Variants in TCF4 observed in about 807,000 individuals in gnomAD.
TCF4 encodes SL3-3 enhancer factor 2.
Under a neutral mutation model 82.1 loss-of-function variants are expected in TCF4, and 3 were observed. That is an observed-to-expected ratio of 0.04 (90% confidence interval 0.02 to 0.09). The LOEUF (loss-of-function observed/expected upper bound fraction) is 0.09. TCF4 is among the 10% of genes least tolerant of loss of function. The pLI is 1.00. For missense variants in TCF4, 518 were observed against 852.7 expected (o/e 0.61, Z 4.89); for synonymous variants, 276 against 309.6 (o/e 0.89, Z 1.14).
At chr18:55,402,054 C>T in intron 6 of TCF4, 1 of 985,508 alleles carries the variant, frequency 1.0e-6, no homozygotes, top group African/African-American at 1.7e-5. Flanking sequence ...TTTGCACTCA[C>T]ATTCCAAAGA....
At chr18:55,377,063 G>A (rs941093665) in intron 6 of TCF4, among the ~76,000 whole-genome samples, 1 of 152,144 alleles carries the variant, frequency 6.6e-6, no homozygotes, top group Non-Finnish European at 1.5e-5. Context: ...CAGAGCCATT[G>A]CCTACCTACC....
chr18:55,534,690 A>C lies in TCF4; in HGVS notation c.145+50590T>G, dbSNP rs76817055. Among the ~76,000 whole-genome samples, 251 of 152,324 alleles carry C rather than the reference A, an allele frequency of 1.6e-3. 3 individuals are homozygous for C. The highest frequency in any genetic ancestry group is 5.8e-3 in the African/African-American group (241 of 41,568). On this transcript the variant is annotated intron_variant, in intron 3 of 19. Transcript: ENST00000354452. Reference sequence around the variant, plus strand: ...CAGGACTCTTCTCAAGTGAAACTGAAAATTCAGCTTAAAAAAAACCCCTTT... The same window carrying C: ...CAGGACTCTTCTCAAGTGAAACTGACAATTCAGCTTAAAAAAAACCCCTTT...
intron 6 of TCF4, 77 bp downstream of exon 6, chr18:55,403,377 C>T (rs1441306096): frequency 2.0e-6 from 3 of 1,527,586 alleles, no homozygotes; most frequent in Admixed American, 1.7e-5. Context: ...GTTTAAAATG[C>T]ATCATCTAAT....
Position 55,557,297 on chromosome 18 carries a change from G to C in TCF4, c.145+27983C>G, listed in dbSNP as rs528573766. 1.6e-4 allele frequency among the ~76,000 whole-genome samples: 25 copies of C among 152,138 alleles called. 1 individual carries two copies. The South Asian group carries it at 4.4e-3, about 27-fold the overall frequency. On this transcript the variant is annotated intron_variant, in intron 3 of 19. Coordinates refer to ENST00000354452, the MANE Select transcript of TCF4 (RefSeq NM_001083962.2). ...CACAGACACACACACACAAAGTAGG[G>C]AGCAGTAGTGTACACCTGTAGTCTC...
chr18:55,520,450 T>C (rs1475557678), intron 3 of TCF4, among the ~76,000 whole-genome samples: 3 of 152,320 alleles, frequency 2.0e-5, no homozygotes, highest in East Asian at 3.9e-4. Flanking sequence ...TAGATGTCTA[T>C]ATGTATTTAT....
intron 2 of TCF4, among the ~76,000 whole-genome samples, chr18:55,619,392 T>C (rs1363681603): frequency 2.0e-5 from 3 of 152,212 alleles, no homozygotes; most frequent in African/African-American, 7.2e-5. Context: ...TGTCATTCTC[T>C]TATTCCTGAT....
chr18:55,358,834 C>T (rs2084290503), intron 6 of TCF4, among the ~76,000 whole-genome samples: 1 of 152,122 alleles, frequency 6.6e-6, no homozygotes, highest in Non-Finnish European at 1.5e-5. Context: ...ATCTGTCTAA[C>T]CTTGGTGGGC....
chr18:55,610,507 T>C (rs1175747044), intron 2 of TCF4, among the ~76,000 whole-genome samples: 5 of 152,182 alleles, frequency 3.3e-5, no homozygotes, highest in Admixed American at 1.3e-4. Context: ...GAGTGTTTCA[T>C]TGATGAGTGA....
At chr18:55,631,943 T>G (rs1186009508) in intron 1 of TCF4, among the ~76,000 whole-genome samples, 10 of 152,346 alleles carry the variant, frequency 6.6e-5, no homozygotes, top group Middle Eastern at 6.8e-3. Flanking sequence ...TTTAGTCCCT[T>G]AACCCTAGTG....
intron 8 of TCF4, among the ~76,000 whole-genome samples, chr18:55,345,997 T>C (rs2081096151): frequency 6.6e-6 from 1 of 152,148 alleles, no homozygotes; most frequent in Non-Finnish European, 1.5e-5. Context: ...CTCTTTTAAA[T>C]TGTTTGTGAT....
intron 6 of TCF4, among the ~76,000 whole-genome samples, chr18:55,367,332 A>T (rs2087472414): frequency 6.6e-6 from 1 of 152,220 alleles, no homozygotes; most frequent in East Asian, 1.9e-4. Context: ...AACACACACA[A>T]ACCTATCTGC....
In TCF4 at chr18:55,438,682, C is replaced by T. The variant is rs527843192; in HGVS notation, c.304+22337G>A. 7.2e-5 allele frequency among the ~76,000 whole-genome samples: 11 copies of T among 152,192 alleles called. No homozygotes were observed. The South Asian group carries it at 2.1e-3, about 29-fold the overall frequency. ...ATTAATTTTACCAGAAGACTTTTGG[C>T]CATGGGAACAAGGACTACAGGACAA... On this transcript the variant is annotated intron_variant, in intron 5 of 19. Coordinates refer to ENST00000354452, the MANE Select transcript of TCF4 (RefSeq NM_001083962.2).
intron 8 of TCF4, among the ~76,000 whole-genome samples, chr18:55,339,613 A>G (rs2079389579): frequency 6.6e-6 from 1 of 152,166 alleles, no homozygotes; most frequent in Admixed American, 6.6e-5. Flanking sequence ...GTTTTTCTGC[A>G]AATTAAAATT....
chr18:55,400,943 A>G, intron 6 of TCF4: 1 of 1,287,354 alleles, frequency 7.8e-7, no homozygotes, highest in Non-Finnish European at 1.0e-6. Flanking sequence ...CCTATTCCGT[A>G]TCTCAATCAT....
chr18:55,495,567 A>G (rs879729460), intron 3 of TCF4: 1 of 152,174 alleles, frequency 6.6e-6, no homozygotes, highest in African/African-American at 2.4e-5. Context: ...GTGAAGCTAA[A>G]AATTCCTGGG....
At chr18:55,307,516 A>G (rs1332212340) in intron 8 of TCF4, among the ~76,000 whole-genome samples, 1 of 152,210 alleles carries the variant, frequency 6.6e-6, no homozygotes, top group Non-Finnish European at 1.5e-5. Flanking sequence ...GTTTCTGGCA[A>G]CCAAAGACTG....
At chr18:55,420,082 C>A (rs2094677463) in intron 5 of TCF4, among the ~76,000 whole-genome samples, 1 of 152,098 alleles carries the variant, frequency 6.6e-6, no homozygotes, top group African/African-American at 2.4e-5. Flanking sequence ...GAAATCCCAT[C>A]ACTTTAAAAA....
At chr18:55,284,794 C>T (rs772785029) in intron 8 of TCF4, among the ~76,000 whole-genome samples, 5 of 152,178 alleles carry the variant, frequency 3.3e-5, no homozygotes, top group Non-Finnish European at 7.4e-5. Context: ...CAAGTACTGG[C>T]TGGGCTCATT....
chr18:55,292,714 A>G (rs899163743), intron 8 of TCF4, among the ~76,000 whole-genome samples: 43 of 124,686 alleles, frequency 3.4e-4, no homozygotes, highest in South Asian at 1.0e-3. Flanking sequence ...GTGTGTGTGT[A>G]TACACGTATA....
Sources: allele counts gnomAD v4.1 joint callset (sites outside exome capture counted in the v4.1 genomes callset), GRCh38; gene constraint gnomAD v4.1.1; transcripts MANE v1.5; gene names NCBI Gene and HGNC (gene_info 2026-07-23, HGNC 2026-07-21).